PRR16: variants seen among roughly 807,000 people sequenced by gnomAD.
The protein encoded by PRR16 is protein Largen.
In PRR16, 6 loss-of-function variants were observed where a neutral mutation model predicts 18.2. The ratio of observed to expected loss-of-function variants is 0.33; its 90% CI spans 0.18 to 0.65. PRR16 has a LOEUF of 0.65. Among genes scored for constraint, PRR16 ranks in the 30% least tolerant of loss-of-function variants. The probability of loss-of-function intolerance (pLI) is 0.74; values close to 1 mark genes in which losing one functional copy is unlikely to be tolerated. For synonymous variants in PRR16, 151 were observed against 147.8 expected, an observed-to-expected ratio of 1.02 and a Z score of -0.16; for missense variants, 412 against 376.6, an observed-to-expected ratio of 1.09 and a Z score of -0.78.
At chr5:120,577,724 T>C (rs923635804) in intron 1 of PRR16, among the ~76,000 whole-genome samples, 1 of 152,174 alleles carries the variant, frequency 6.6e-6, no homozygotes, top group African/African-American at 2.4e-5. Flanking sequence ...ACAGGCAAAA[T>C]ATTACATAGT....
At chr5:120,645,351 C>G (rs1755553432) in intron 1 of PRR16, among the ~76,000 whole-genome samples, 1 of 151,596 alleles carries the variant, frequency 6.6e-6, no homozygotes, top group East Asian at 1.9e-4. Flanking sequence ...CACACACACA[C>G]AGACATGCAC....
At chr5:120,792,501 C>T in the PRR16 span, among the ~76,000 whole-genome samples, 1 of 152,078 alleles carries the variant, frequency 6.6e-6, no homozygotes, top group African/African-American at 2.4e-5. Flanking sequence ...TAAACAATTG[C>T]CAGTTCCCAC....
the PRR16 span, among the ~76,000 whole-genome samples, chr5:120,788,366 A>G: frequency 7.2e-5 from 11 of 152,120 alleles, no homozygotes; most frequent in African/African-American, 2.7e-4. Flanking sequence ...CATAACCGTT[A>G]AAACTATAAT....
the PRR16 span, among the ~76,000 whole-genome samples, chr5:120,794,230 TAAGAAA>T: frequency 1.3e-5 from 2 of 152,076 alleles, no homozygotes; most frequent in Admixed American, 6.6e-5. Context: ...GTATAAACTA[TAAGAAA>T]AAGAGGCTCA....
At chr5:120,730,040 A>C in the PRR16 span, among the ~76,000 whole-genome samples, 1 of 152,126 alleles carries the variant, frequency 6.6e-6, no homozygotes, top group Non-Finnish European at 1.5e-5. Flanking sequence ...TAATCCCAGT[A>C]TGAGACGTCA....
At chr5:120,620,527 G>C (rs554016740) in intron 1 of PRR16, among the ~76,000 whole-genome samples, 1 of 152,284 alleles carries the variant, frequency 6.6e-6, no homozygotes, top group East Asian at 1.9e-4. Context: ...TGAACTTGCT[G>C]TGATAGCAAT....
chr5:120,737,188 G>A, the PRR16 span, among the ~76,000 whole-genome samples: 821 of 152,070 alleles, frequency 5.4e-3, 5 homozygotes, highest in Non-Finnish European at 9.2e-3. Flanking sequence ...CCTTGCTTTA[G>A]TCCTGACTGA....
intron 1 of PRR16, among the ~76,000 whole-genome samples, chr5:120,529,453 T>A (rs1398482527): frequency 6.6e-6 from 1 of 152,150 alleles, no homozygotes; most frequent in Non-Finnish European, 1.5e-5. Context: ...TTAAAAAGTA[T>A]CTGTCTCTAA....
chr5:120,508,622 C>T lies in PRR16; in HGVS notation c.159+43977C>T, dbSNP rs181634815. Among the ~76,000 whole-genome samples, 9 of 152,192 alleles carry T rather than the reference C, an allele frequency of 5.9e-5. No individual in the cohort carries two copies. The East Asian group carries it at 1.7e-3, about 29-fold the overall frequency. On this transcript the variant is annotated intron_variant, in intron 1 of 1. Transcript: ENST00000407149. ...TCATTAGATTTCCGTATTTGTAGGGCTCAATCTTCTCCAGTATATCCAGAA... is the reference window on the plus strand; with the variant it reads ...TCATTAGATTTCCGTATTTGTAGGGTTCAATCTTCTCCAGTATATCCAGAA...
chr5:120,614,258 T>C (rs1417897705), intron 1 of PRR16, among the ~76,000 whole-genome samples: 2 of 152,216 alleles, frequency 1.3e-5, no homozygotes, highest in African/African-American at 2.4e-5. Context: ...TCAAGTTATG[T>C]TCTCATACTG....
intron 1 of PRR16, among the ~76,000 whole-genome samples, chr5:120,674,169 T>C (rs1174970623): frequency 6.6e-6 from 1 of 152,168 alleles, no homozygotes; most frequent in African/African-American, 2.4e-5. Context: ...TGATATGCCA[T>C]CTACCTACTT....
chr5:120,769,018 T>C, the PRR16 span, among the ~76,000 whole-genome samples: 1 of 151,714 alleles, frequency 6.6e-6, no homozygotes, highest in Non-Finnish European at 1.5e-5. Context: ...CGCCAACATG[T>C]ACCTGATCTA....
intron 1 of PRR16, chr5:120,617,143 A>G: frequency 1.0e-6 from 1 of 985,426 alleles, no homozygotes; most frequent in Non-Finnish European, 1.2e-6. Context: ...ACAGGGAAAC[A>G]GTGCTGCAGG....
At chr5:120,784,302 C>G in the PRR16 span, among the ~76,000 whole-genome samples, 5 of 152,118 alleles carry the variant, frequency 3.3e-5, no homozygotes, top group Admixed American at 3.3e-4. Flanking sequence ...TTCATAATGG[C>G]TATACCAATT....
At chr5:120,768,409 A>ATTT in the PRR16 span, among the ~76,000 whole-genome samples, 1 of 151,242 alleles carries the variant, frequency 6.6e-6, no homozygotes, top group Non-Finnish European at 1.5e-5. Context: ...TTAAGCAATG[A>ATTT]TTTTTTTACC....
intron 1 of PRR16, among the ~76,000 whole-genome samples, chr5:120,571,345 A>G (rs1366858139): frequency 6.6e-6 from 1 of 152,174 alleles, no homozygotes; most frequent in Non-Finnish European, 1.5e-5. Context: ...GCAATTGTGA[A>G]TGCAGTGGGA....
chr5:120,704,223 A>T, the PRR16 span, among the ~76,000 whole-genome samples: 1 of 152,230 alleles, frequency 6.6e-6, no homozygotes, highest in Admixed American at 6.5e-5. Context: ...GATTCTGAGC[A>T]GATAGTGCTA....
At chr5:120,544,311 A>G (rs1342803965) in intron 1 of PRR16, among the ~76,000 whole-genome samples, 1 of 152,156 alleles carries the variant, frequency 6.6e-6, no homozygotes, top group Non-Finnish European at 1.5e-5. Flanking sequence ...ACAATCTTCA[A>G]ATGTTAGCAC....
At chr5:120,790,904 A>G in the PRR16 span, 1 of 152,186 alleles carries the variant, frequency 6.6e-6, no homozygotes, top group Non-Finnish European at 1.5e-5. Flanking sequence ...ACAAATTTAA[A>G]AACATCTACA....
Sources: allele counts gnomAD v4.1 joint callset (sites outside exome capture counted in the v4.1 genomes callset), GRCh38; gene constraint gnomAD v4.1.1; transcripts MANE v1.5; gene names NCBI Gene and HGNC (gene_info 2026-07-23, HGNC 2026-07-21).